PCDH15: variants seen among roughly 807,000 people sequenced by gnomAD.
PCDH15 encodes protocadherin-15.
Under a neutral mutation model 178.5 loss-of-function variants are expected in PCDH15, and 129 were observed. The ratio of observed to expected loss-of-function variants is 0.72; its 90% CI spans 0.63 to 0.84. PCDH15 has a LOEUF of 0.84. Ranked by LOEUF, PCDH15 falls within the 40% of genes least tolerant of loss-of-function variation. The pLI, the probability that PCDH15 is intolerant of heterozygous loss-of-function variation, is 0.00. For synonymous variants in PCDH15, 800 were observed against 732.0 expected (o/e 1.09, Z -1.50); for missense variants, 2,230 against 2,099.9 (o/e 1.06, Z -1.21).
At chr10:54,882,911 A>G (rs1443413672) in intron 3 of PCDH15, among the ~76,000 whole-genome samples, 1 of 152,048 alleles carries the variant, frequency 6.6e-6, no homozygotes, top group East Asian at 1.9e-4. Flanking sequence ...ATGTTTAACC[A>G]GATTATGAGG....
chr10:55,259,381 T>C (rs1339581445), intron 1 of PCDH15, among the ~76,000 whole-genome samples: 1 of 152,088 alleles, frequency 6.6e-6, no homozygotes, highest in African/African-American at 2.4e-5. Context: ...AATGCAAAAG[T>C]GTATCAGAAT....
chr10:54,608,140 A>T (rs1168394189), intron 2 of PCDH15, among the ~76,000 whole-genome samples: 1 of 151,972 alleles, frequency 6.6e-6, no homozygotes, highest in African/African-American at 2.4e-5. Flanking sequence ...CGAGCAAAAA[A>T]ATCCCAGGGG....
At chr10:54,715,942 T>C (rs999052045) in intron 1 of PCDH15, among the ~76,000 whole-genome samples, 3 of 152,162 alleles carry the variant, frequency 2.0e-5, no homozygotes, top group Non-Finnish European at 2.9e-5. Flanking sequence ...CTCTCTCTTC[T>C]TGATGCCCAG....
intron 2 of PCDH15, among the ~76,000 whole-genome samples, chr10:55,605,359 C>A (rs972044596): frequency 6.6e-6 from 1 of 151,722 alleles, no homozygotes; most frequent in African/African-American, 2.4e-5. Context: ...CTATTCCAAT[C>A]AATAGAAAAA....
intron 2 of PCDH15, among the ~76,000 whole-genome samples, chr10:55,622,130 T>TTATATATAATG (rs1837413901): frequency 1.6e-5 from 1 of 60,876 alleles, no homozygotes; most frequent in South Asian, 4.3e-4. Flanking sequence ...AATATATATA[T>TTATATATAATG]TATATATATT....
At chr10:55,206,304 A>C (rs867561086) in intron 1 of PCDH15, among the ~76,000 whole-genome samples, 32 of 152,138 alleles carry the variant, frequency 2.1e-4, no homozygotes, top group African/African-American at 7.5e-4. Flanking sequence ...GTATGTATTT[A>C]ATTTAAATGT....
intron 5 of PCDH15, among the ~76,000 whole-genome samples, chr10:54,347,114 A>G (rs1943422052): frequency 6.6e-6 from 1 of 152,152 alleles, no homozygotes; most frequent in Admixed American, 6.5e-5. Context: ...CAAAACCATG[A>G]TTTGATGTGT....
At chr10:55,541,602 G>C (rs1841761058) in intron 2 of PCDH15, among the ~76,000 whole-genome samples, 1 of 151,586 alleles carries the variant, frequency 6.6e-6, no homozygotes, top group African/African-American at 2.4e-5. Context: ...GTCATGCTAA[G>C]AAAATTACCA....
chr10:55,530,899 ACAGT>A, intron 2 of PCDH15, among the ~76,000 whole-genome samples: 1 of 152,146 alleles, frequency 6.6e-6, no homozygotes, highest in East Asian at 1.9e-4. Flanking sequence ...TAGTTTGTGT[ACAGT>A]TATTTTCAAC....
rs551571252 is a variant in PCDH15, at chr10:54,895,180, G to A, written c.-29+2270C>T. Among the ~76,000 whole-genome samples the A allele has an allele frequency of 2.0e-5, 3 of 152,212 alleles. No homozygotes were observed. In the South Asian group the frequency reaches 6.2e-4, roughly 32 times the overall value. ...TTACCCTGTTAAGAGTAGAACAATG[G>A]CACATACCAATCATTTGGATTGTGG... On this transcript the variant is annotated intron_variant, in intron 3 of 5. Coordinates refer to the PCDH15 transcript ENST00000458638.
chr10:55,375,541 G>A (rs1393500555), intron 2 of PCDH15, among the ~76,000 whole-genome samples: 2 of 151,930 alleles, frequency 1.3e-5, no homozygotes, highest in African/African-American at 4.8e-5. Flanking sequence ...TTGTTCTTTT[G>A]CATCTTTAAA....
chr10:54,048,622 C>A (rs2093703035), intron 18 of PCDH15, among the ~76,000 whole-genome samples: 1 of 152,090 alleles, frequency 6.6e-6, no homozygotes, highest in Non-Finnish European at 1.5e-5. Context: ...ATATGGATAG[C>A]CAGTTATCCC....
chr10:55,552,229 A>T (rs1041836174), intron 2 of PCDH15, among the ~76,000 whole-genome samples: 4 of 151,636 alleles, frequency 2.6e-5, no homozygotes, highest in African/African-American at 9.7e-5. Flanking sequence ...AATTTTTTCT[A>T]ATCATTTAAT....
At chr10:54,752,178 C>A (rs1012394938) in intron 1 of PCDH15, among the ~76,000 whole-genome samples, 1 of 151,994 alleles carries the variant, frequency 6.6e-6, no homozygotes, top group Non-Finnish European at 1.5e-5. Context: ...ATTTTCAACA[C>A]CATGAAGAAT....
chr10:54,960,661 A>G (rs1370783334), intron 2 of PCDH15, among the ~76,000 whole-genome samples: 1 of 152,218 alleles, frequency 6.6e-6, no homozygotes, highest in African/African-American at 2.4e-5. Context: ...CCCAATATTA[A>G]GAAGGTCAAA....
intron 25 of PCDH15, among the ~76,000 whole-genome samples, chr10:53,918,713 A>AACAC (rs5741702): frequency 1.0e-3 from 150 of 147,010 alleles, no homozygotes; most frequent in African/African-American, 8.3e-4. Context: ...CAAATACACA[A>AACAC]ACACACACAC....
intron 16 of PCDH15, among the ~76,000 whole-genome samples, chr10:54,087,208 C>A (rs1188422453): frequency 6.9e-6 from 1 of 144,632 alleles, no homozygotes; most frequent in African/African-American, 2.5e-5. Flanking sequence ...GGGTACAATT[C>A]AATGGTTTTT....
At chr10:54,407,549 A>AT (rs1952850160) in intron 3 of PCDH15, among the ~76,000 whole-genome samples, 1 of 152,012 alleles carries the variant, frequency 6.6e-6, no homozygotes. Context: ...GCTAAAAAGC[A>AT]TTTGTCACAT....
chr10:55,349,797 T>C (rs1439148817), intron 2 of PCDH15, among the ~76,000 whole-genome samples: 5 of 152,130 alleles, frequency 3.3e-5, no homozygotes, highest in Non-Finnish European at 7.4e-5. Flanking sequence ...TGAATCCCTC[T>C]TTTGGAACTT....
Sources: allele counts gnomAD v4.1 joint callset (sites outside exome capture counted in the v4.1 genomes callset), GRCh38; gene constraint gnomAD v4.1.1; transcripts MANE v1.5; gene names NCBI Gene and HGNC (gene_info 2026-07-23, HGNC 2026-07-21).